The following DIAPH2 variants were observed in gnomAD, a reference collection of about 807,000 sequenced individuals.
DIAPH2 encodes diaphanous related formin 2.
Under a neutral mutation model 92.7 loss-of-function variants are expected in DIAPH2, and 35 were observed. The ratio of observed to expected loss-of-function variants is 0.38; its 90% CI spans 0.29 to 0.50. The LOEUF is 0.50. Ranked by LOEUF, DIAPH2 falls within the 20% of genes least tolerant of loss-of-function variation. The pLI is 0.94. For missense variants in DIAPH2, 701 were observed against 819.5 expected (o/e 0.86, Z 1.77); for synonymous variants, 301 against 280.4 (o/e 1.07, Z -0.73).
At chrX:97,399,925 A>G (rs1357793902) in intron 25 of DIAPH2, among the ~76,000 whole-genome samples, 1 of 112,428 alleles carries the variant, frequency 8.9e-6, no homozygotes, top group Non-Finnish European at 1.9e-5. Flanking sequence ...AACAACTACT[A>G]ATTTTTAGGA....
chrX:97,569,427 G>T (rs979796847), intron 26 of DIAPH2, among the ~76,000 whole-genome samples: 1 of 111,917 alleles, frequency 8.9e-6, no homozygotes, highest in Non-Finnish European at 1.9e-5. Flanking sequence ...ATATGCATGT[G>T]TGTATATGCA....
At chrX:97,522,654 G>A (rs2070998781) in intron 26 of DIAPH2, among the ~76,000 whole-genome samples, 1 of 112,725 alleles carries the variant, frequency 8.9e-6, no homozygotes, top group African/African-American at 3.2e-5. Flanking sequence ...ATAAAATTGA[G>A]TTATACTATG....
At position 97,047,542 on chromosome X, in the gene DIAPH2, C is replaced by CTTTTTTTTTTTTTTTTTTTTTTT. The variant is rs5903064; in HGVS notation, c.2051-25394_2051-25372dup. On this transcript the variant is annotated intron_variant, in intron 17 of 26. Transcript: ENST00000324765. Reference sequence around the variant, plus strand: ...AAAACAGCTTAAGGGATAAAATAGGCTTTTTTTTTTTTTTTTTTTTTTTTT... The same window carrying CTTTTTTTTTTTTTTTTTTTTTTT: ...AAAACAGCTTAAGGGATAAAATAGGCTTTTTTTTTTTTTTTTTTTTTTTTTTTTTTTTTTTTTTTTTTTTTTTT... 1.3e-4 allele frequency among the ~76,000 whole-genome samples: 4 copies of CTTTTTTTTTTTTTTTTTTTTTTT among 30,109 alleles called. 1 individual carries two copies. Among genetic ancestry groups the CTTTTTTTTTTTTTTTTTTTTTTT allele is most frequent in the African/African-American group, 6.3e-4 (4 of 6,383 alleles). 26.1% of individuals were successfully genotyped at this position (30,109 alleles called of 115,157 possible). A position where few individuals can be genotyped will look rare whatever the true frequency, so the allele number is the denominator to read the frequency against.
chrX:96,729,542 C>G (rs192536489), intron 1 of DIAPH2, among the ~76,000 whole-genome samples: 297 of 111,837 alleles, frequency 2.7e-3, no homozygotes, highest in African/African-American at 9.1e-3. Context: ...TATGGCAAGA[C>G]AATTCATTTA....
intron 26 of DIAPH2, among the ~76,000 whole-genome samples, chrX:97,527,669 C>A (rs970394073): frequency 1.2e-4 from 13 of 112,136 alleles, no homozygotes; most frequent in African/African-American, 4.2e-4. Flanking sequence ...TCATATACTA[C>A]TAATTAAACA....
chrX:96,884,730 T>A lies in DIAPH2; in HGVS notation c.587+3012T>A, dbSNP rs61752459. 8,092 of 1,207,745 alleles carry A rather than the reference T, an allele frequency of 6.7e-3. 24 individuals are homozygous for A. Among genetic ancestry groups the A allele is most frequent in the Middle Eastern group, 0.01 (44 of 4,348 alleles). ...AATGTCCCACGGGAACAAAGAGCCT[T>A]GAGGTATTGAAAATTCATGTCCTAG... On this transcript the variant is annotated intron_variant, in intron 5 of 26. Transcript: ENST00000324765.
intron 17 of DIAPH2, among the ~76,000 whole-genome samples, chrX:96,997,454 A>T (rs2066112460): frequency 9.0e-6 from 1 of 111,326 alleles, no homozygotes; most frequent in African/African-American, 3.3e-5. Flanking sequence ...TCCGTGGTAA[A>T]AATGACCTTT....
intron 26 of DIAPH2, among the ~76,000 whole-genome samples, chrX:97,432,603 C>T (rs1308338728): frequency 2.7e-5 from 3 of 111,902 alleles, no homozygotes; most frequent in African/African-American, 9.8e-5. Flanking sequence ...TCTGCTGACT[C>T]AGCCTCCCGA....
intron 20 of DIAPH2, among the ~76,000 whole-genome samples, chrX:97,107,788 A>G (rs1452606551): frequency 8.9e-6 from 1 of 112,299 alleles, no homozygotes; most frequent in East Asian, 2.8e-4. Context: ...TATATTTGTT[A>G]CAAATTTTTC....
At chrX:97,009,941 T>C (rs1226325625) in intron 17 of DIAPH2, among the ~76,000 whole-genome samples, 1 of 111,813 alleles carries the variant, frequency 8.9e-6, no homozygotes, top group Non-Finnish European at 1.9e-5. Flanking sequence ...CTGACCCTAA[T>C]GGTATCTCAC....
chrX:97,340,687 G>T (rs1490020056), intron 23 of DIAPH2, among the ~76,000 whole-genome samples: 2 of 97,927 alleles, frequency 2.0e-5, no homozygotes, highest in Non-Finnish European at 4.0e-5. Context: ...ATGGAGCCTC[G>T]CTCTGTCGCT....
chrX:97,434,618 G>A (rs1205652422), intron 26 of DIAPH2, among the ~76,000 whole-genome samples: 1 of 109,166 alleles, frequency 9.2e-6, no homozygotes, highest in East Asian at 2.9e-4. Context: ...CATCATATTG[G>A]CCAGGATGGT....
rs996413169 is a variant in DIAPH2, at chrX:96,704,054, G to A, written c.132+18864G>A. ...AGGGATCCCCCCACCTTAGCCTCCT[G>A]AGCAGCTAGGACTACAGGCATGTGT... On this transcript the variant is annotated intron_variant, in intron 1 of 26. Coordinates refer to ENST00000324765, the MANE Select transcript of DIAPH2 (RefSeq NM_006729.5). Among the ~76,000 whole-genome samples the A allele has an allele frequency of 2.7e-5, 3 of 111,456 alleles. No individual in the cohort carries two copies. In the Admixed American group the frequency reaches 2.9e-4, roughly 11 times the overall value.
At chrX:97,095,242 G>A (rs955115064) in intron 19 of DIAPH2, among the ~76,000 whole-genome samples, 2 of 100,746 alleles carry the variant, frequency 2.0e-5, no homozygotes, top group Admixed American at 1.1e-4. Context: ...TCAGCCTCCC[G>A]ATTAGCTGGG....
intron 4 of DIAPH2, among the ~76,000 whole-genome samples, chrX:96,878,648 G>A (rs1276991491): frequency 9.0e-6 from 1 of 111,114 alleles, no homozygotes; most frequent in African/African-American, 3.3e-5. Flanking sequence ...GGTGGGGAGT[G>A]AGCCACAAAG....
chrX:96,939,564 A>ATGTGTGTGTGTGTG (rs1238257040), intron 12 of DIAPH2, among the ~76,000 whole-genome samples, 182 bp downstream of exon 12: 7 of 74,476 alleles, frequency 9.4e-5, no homozygotes, highest in African/African-American at 3.3e-4. Flanking sequence ...GTATATATAT[A>ATGTGTGTGTGTGTG]TATGTGTGTG....
At chrX:96,806,953 A>C (rs2064632759) in intron 4 of DIAPH2, among the ~76,000 whole-genome samples, 1 of 110,942 alleles carries the variant, frequency 9.0e-6, no homozygotes, top group Non-Finnish European at 1.9e-5. Flanking sequence ...CATGTTAGCC[A>C]GGGTGGTCTC....
At chrX:97,037,167 G>T (rs1333258960) in intron 17 of DIAPH2, among the ~76,000 whole-genome samples, 1 of 111,260 alleles carries the variant, frequency 9.0e-6, no homozygotes, top group Non-Finnish European at 1.9e-5. Context: ...AACATTGAGA[G>T]TAACAAAAGT....
At chrX:96,849,569 A>G (rs191002427) in intron 4 of DIAPH2, among the ~76,000 whole-genome samples, 2 of 111,615 alleles carry the variant, frequency 1.8e-5, no homozygotes, top group East Asian at 5.6e-4. Flanking sequence ...CATGATTGCT[A>G]TTAAAGATAC....
Sources: allele counts gnomAD v4.1 joint callset (sites outside exome capture counted in the v4.1 genomes callset), GRCh38; gene constraint gnomAD v4.1.1; transcripts MANE v1.5; gene names NCBI Gene and HGNC (gene_info 2026-07-23, HGNC 2026-07-21).